Variants in OR2B6 observed in about 807,000 individuals in gnomAD.
OR2B6 encodes the protein olfactory receptor 2B6.
For synonymous variants in OR2B6, 130 were observed against 142.7 expected (o/e 0.91, Z 0.63); for missense variants, 350 against 368.9 (o/e 0.95, Z 0.42).
In OR2B6 at chr6:27,958,035, C is replaced by T. The variant is rs550737947; in HGVS notation, c.795C>T (p.Pro265=). The T allele has an allele frequency of 1.2e-6, 2 of 1,614,032 alleles. No individual in the cohort carries two copies. The highest frequency in any genetic ancestry group is 1.7e-5 in the Admixed American group (1 of 60,000). ...CTGTGTACCTGCAACCACCTTCGCC[C>T]AGCTCCAAGGACCAAGGAAAGATGG... The part of the protein sequence containing the change: ...AVSVYLQPPS[P]SSKDQGKMVS... The change falls in exon 1 of 1, where the codon CCC becomes CCT. Residue 265 remains proline (P), a synonymous_variant. Coordinates refer to ENST00000244623, the MANE Select transcript of OR2B6 (RefSeq NM_012367.1).
chr6:27,957,861 TC>T lies in OR2B6; in HGVS notation c.622del (p.Leu208Ter). 1 of 1,614,098 alleles carries T rather than the reference TC, an allele frequency of 6.2e-7. No individual in the cohort carries two copies. The highest frequency in any genetic ancestry group is 1.1e-5 in the South Asian group (1 of 91,084). ...ELFLVSELFH[L>X]IPLTLILISY... ...TATTCCTTGTCAGTGAGCTCTTCCA[TC>T]TAATACCCCTGACACTCATCCTTAT... is the stretch of plus-strand genomic sequence containing the variant. On this transcript the variant is annotated frameshift_variant, in exon 1 of 1. Coordinates refer to ENST00000244623, the MANE Select transcript of OR2B6 (RefSeq NM_012367.1). LOFTEE classifies it low-confidence loss of function (END_TRUNC).
rs150649355 is a variant in OR2B6 at position 27,958,138 on chromosome 6, G to A, written c.898G>A (p.Gly300Ser). The change falls in exon 1 of 1, where the codon GGC (glycine) becomes AGC (serine). Residue 300 changes from glycine to serine, a missense_variant. Transcript: ENST00000244623. ...YTLRNKEVKE[G>S]FKRLVARVFL... ...ACTTAGGAACAAGGAGGTAAAGGAA[G>A]GCTTTAAAAGGTTGGTTGCAAGAGT... 465 of 1,613,312 alleles carry A rather than the reference G, an allele frequency of 2.9e-4. 1 individual carries two copies. Among genetic ancestry groups the A allele is most frequent in the Middle Eastern group, 2.1e-3 (13 of 6,054 alleles).
rs750115578 is a variant in OR2B6 at position 27,957,524 on chromosome 6, G to A, written c.284G>A (p.Arg95His). ...LCSIRKVISY[R>H]GCVAQLFIFL... ...AGCATCAGGAAAGTAATCAGTTATC[G>A]TGGCTGTGTAGCCCAGCTTTTCATA... The change falls in exon 1 of 1, where the codon CGT becomes CAT. Residue 95 changes from arginine to histidine, a missense_variant. Arg to His is a conservative substitution (Grantham distance 29, BLOSUM62 0). Transcript: ENST00000244623. The A allele has an allele frequency of 2.4e-5, 38 of 1,613,920 alleles. No individual in the cohort carries two copies. The highest frequency in any genetic ancestry group is 9.9e-5 in the South Asian group (9 of 91,080).
At position 27,958,052 on chromosome 6, in the gene OR2B6, G is replaced by A. The variant is rs1762769859; in HGVS notation, c.812G>A (p.Gly271Glu). 2 of 1,614,004 alleles carry A rather than the reference G, an allele frequency of 1.2e-6. No individual in the cohort carries two copies. The highest frequency in any genetic ancestry group is 1.3e-5 in the African/African-American group (1 of 75,012). The change falls in exon 1 of 1, where the codon GGA (glycine) becomes GAA (glutamate). Residue 271 changes from glycine to glutamate, a missense_variant. Coordinates refer to ENST00000244623, the MANE Select transcript of OR2B6 (RefSeq NM_012367.1). ...CCTTCGCCCAGCTCCAAGGACCAAG[G>A]AAAGATGGTTTCTCTCTTCTATGGA... ...QPPSPSSKDQ[G>E]KMVSLFYGII... is the part of the protein sequence containing the mutation.
In OR2B6 at chr6:27,957,813, G is replaced by T. The variant is rs1762765139; in HGVS notation, c.573G>T (p.Glu191Asp). The change falls in exon 1 of 1, where the codon GAG becomes GAT. Residue 191 changes from glutamate (E) to aspartate (D), a missense_variant. Coordinates refer to ENST00000244623, the MANE Select transcript of OR2B6 (RefSeq NM_012367.1). Reference protein sequence around the residue: ...VPALLKLSCVETTANEAELFL... With the variant: ...VPALLKLSCVDTTANEAELFL... ...CACTGCTCAAGTTATCTTGTGTTGA[G>T]ACAACAGCAAATGAGGCTGAACTAT... is the stretch of plus-strand genomic sequence containing the variant. The T allele has an allele frequency of 6.2e-7, 1 of 1,613,960 alleles. No individual in the cohort carries two copies.
In OR2B6 at chr6:27,957,332, T is replaced by C; in HGVS notation, c.92T>C (p.Phe31Ser). ...PWLEFPLLVV[F>S]LISYTVTIFG... ...CTGGAGTTTCCACTCCTTGTGGTCT[T>C]CTTGATTTCTTACACTGTGACCATC... Residue 31 changes from phenylalanine (F) to serine (S), a missense_variant, in exon 1 of 1, where the codon TTC becomes TCC. Physicochemically the swap from Phe to Ser is radical, Grantham distance 155. Coordinates refer to ENST00000244623, the MANE Select transcript of OR2B6 (RefSeq NM_012367.1). 1 of 1,613,874 alleles carries C rather than the reference T, an allele frequency of 6.2e-7. No homozygotes were observed. Among genetic ancestry groups the C allele is most frequent in the Non-Finnish European group, 8.5e-7 (1 of 1,179,814 alleles).
chr6:27,957,579 TCTC>T lies in OR2B6; in HGVS notation c.342_344del (p.Leu115del), dbSNP rs750289936. The T allele has an allele frequency of 1.5e-5, 25 of 1,614,076 alleles. No individual in the cohort carries two copies. Among genetic ancestry groups the T allele is most frequent in the Non-Finnish European group, 2.1e-5 (25 of 1,179,994 alleles). On this transcript the variant is annotated inframe_deletion, in exon 1 of 1. Transcript: ENST00000244623. ...TGGCCTTGGGGGCTACTGAATATCT[TCTC>T]CTGGCCGTCATGTCCTTTGATAGGT... is the stretch of plus-strand genomic sequence containing the variant.
In OR2B6 at chr6:27,957,347, C is replaced by T. The variant is rs2113627713; in HGVS notation, c.107C>T (p.Thr36Ile). ...PLLVVFLISY[T>I]VTIFGNLTII... ...CTTGTGGTCTTCTTGATTTCTTACA[C>T]TGTGACCATCTTTGGCAATCTGACC... Residue 36 changes from threonine to isoleucine, a missense_variant, in exon 1 of 1, where the codon ACT (threonine) becomes ATT (isoleucine). Transcript: ENST00000244623. The T allele has an allele frequency of 6.2e-7, 1 of 1,613,824 alleles. No homozygotes were observed. Among genetic ancestry groups the T allele is most frequent in the Non-Finnish European group, 8.5e-7 (1 of 1,179,728 alleles).
In OR2B6 at chr6:27,957,624, G is replaced by A. The variant is rs1325954071; in HGVS notation, c.384G>A (p.Arg128=). 1.9e-6 allele frequency: 3 copies of A among 1,613,992 alleles called. No homozygotes were observed. Among genetic ancestry groups the A allele is most frequent in the Non-Finnish European group, 1.7e-6 (2 of 1,179,960 alleles). Residue 128 remains arginine (R), a synonymous_variant, in exon 1 of 1, where the codon CGG becomes CGA. Transcript: ENST00000244623. ...TTGATAGGTTTGTAGCTATTTGTCG[G>A]CCTCTCCATTACTCAGTTATCATGC... ...MSFDRFVAIC[R]PLHYSVIMHQ... is the part of the protein sequence containing the mutation.
rs373319927 is a variant in OR2B6, at chr6:27,958,073, A to C, written c.833A>C (p.Tyr278Ser). The C allele has an allele frequency of 1.2e-6, 2 of 1,613,960 alleles. No homozygotes were observed. The highest frequency in any genetic ancestry group is 1.7e-6 in the Non-Finnish European group (2 of 1,179,912). ...CAAGGAAAGATGGTTTCTCTCTTCTATGGAATCATTGCACCCATGCTGAAT... is the reference window on the plus strand; with the variant it reads ...CAAGGAAAGATGGTTTCTCTCTTCTCTGGAATCATTGCACCCATGCTGAAT... ...KDQGKMVSLF[Y>S]GIIAPMLNPL... Residue 278 changes from tyrosine to serine, a missense_variant, in exon 1 of 1, where the codon TAT becomes TCT. Transcript: ENST00000244623.
Position 27,957,713 on chromosome 6 carries a change from G to A in OR2B6, c.473G>A (p.Trp158Ter). The change falls in exon 1 of 1, where the codon TGG (tryptophan) becomes TAG (stop). Residue 158 changes from tryptophan to a stop codon, truncating the protein, a stop_gained. Coordinates refer to ENST00000244623, the MANE Select transcript of OR2B6 (RefSeq NM_012367.1). LOFTEE classifies it low-confidence loss of function (END_TRUNC). The part of the protein sequence containing the change: ...SWVTGFSNSV[W>*]LSTLTLQLPL... Reference sequence around the variant, plus strand: ...GTTACTGGTTTTAGTAACTCAGTGTGGTTGTCTACCCTGACTCTCCAGCTG... The same window carrying A: ...GTTACTGGTTTTAGTAACTCAGTGTAGTTGTCTACCCTGACTCTCCAGCTG... 1.2e-6 allele frequency: 2 copies of A among 1,613,896 alleles called. No individual in the cohort carries two copies. Among genetic ancestry groups the A allele is most frequent in the Non-Finnish European group, 1.7e-6 (2 of 1,179,882 alleles).
At position 27,957,982 on chromosome 6, in the gene OR2B6, G is replaced by A. The variant is rs775111323; in HGVS notation, c.742G>A (p.Val248Met). 8 of 1,613,516 alleles carry A rather than the reference G, an allele frequency of 5.0e-6. No homozygotes were observed. In the South Asian group the frequency reaches 7.7e-5, roughly 16 times the overall value. ...FGTCGSHLIV[V>M]SLFYSTAVSV... ...GACATGTGGTTCCCATCTAATTGTG[G>A]TGTCTCTTTTTTATAGTACAGCCGT... is the stretch of plus-strand genomic sequence containing the variant. Residue 248 changes from valine to methionine, a missense_variant, in exon 1 of 1, where the codon GTG (valine) becomes ATG (methionine). By Grantham distance (21) the Val-to-Met change is conservative. Transcript: ENST00000244623.
In OR2B6 at chr6:27,957,657, A is replaced by G. The variant is rs2113628005; in HGVS notation, c.417A>G (p.Arg139=). 6.2e-7 allele frequency: 1 copy of G among 1,613,642 alleles called. No homozygotes were observed. Among genetic ancestry groups the G allele is most frequent in the South Asian group, 1.1e-5 (1 of 91,054 alleles). ...PLHYSVIMHQ[R]LCLQLAAASW... ...ATTACTCAGTTATCATGCACCAGAGACTCTGCCTCCAGTTGGCAGCTGCAT... is the reference window on the plus strand; with the variant it reads ...ATTACTCAGTTATCATGCACCAGAGGCTCTGCCTCCAGTTGGCAGCTGCAT... The change falls in exon 1 of 1, where the codon AGA becomes AGG. Residue 139 remains arginine, a synonymous_variant. Transcript: ENST00000244623.
Position 27,957,382 on chromosome 6 carries a change from G to C in OR2B6, c.142G>C (p.Val48Leu). The C allele has an allele frequency of 6.2e-7, 1 of 1,614,008 alleles. No homozygotes were observed. The highest frequency in any genetic ancestry group is 2.2e-5 in the East Asian group (1 of 44,880). Reference sequence around the variant, plus strand: ...CTTTGGCAATCTGACCATTATTCTAGTGTCACGCCTGGACACCAAACTTCA... The same window carrying C: ...CTTTGGCAATCTGACCATTATTCTACTGTCACGCCTGGACACCAAACTTCA... ...TIFGNLTIIL[V>L]SRLDTKLHTP... The change falls in exon 1 of 1, where the codon GTG (valine) becomes CTG (leucine). Residue 48 changes from valine (V) to leucine (L), a missense_variant. Val to Leu is a conservative substitution (Grantham distance 32, BLOSUM62 1). Coordinates refer to ENST00000244623, the MANE Select transcript of OR2B6 (RefSeq NM_012367.1).
rs1762763538 is a variant in OR2B6 at position 27,957,727 on chromosome 6, A to C, written c.487A>C (p.Thr163Pro). Reference sequence around the variant, plus strand: ...TAACTCAGTGTGGTTGTCTACCCTGACTCTCCAGCTGCCACTCTGTGACCC... The same window carrying C: ...TAACTCAGTGTGGTTGTCTACCCTGCCTCTCCAGCTGCCACTCTGTGACCC... ...FSNSVWLSTL[T>P]LQLPLCDPYV... Residue 163 changes from threonine (T) to proline (P), a missense_variant, in exon 1 of 1, where the codon ACT becomes CCT. Coordinates refer to ENST00000244623, the MANE Select transcript of OR2B6 (RefSeq NM_012367.1). 1 of 1,613,292 alleles carries C rather than the reference A, an allele frequency of 6.2e-7. No individual in the cohort carries two copies. The highest frequency in any genetic ancestry group is 1.3e-5 in the African/African-American group (1 of 74,668).
Position 27,957,463 on chromosome 6 carries a change from A to C in OR2B6, c.223A>C (p.Thr75Pro). Reference sequence around the variant, plus strand: ...ATCACTCCTGGATCTTTGTTACACCACATGTACAGTCCCACAAATGCTAGT... The same window carrying C: ...ATCACTCCTGGATCTTTGTTACACCCCATGTACAGTCCCACAAATGCTAGT... ...NLSLLDLCYT[T>P]CTVPQMLVNL... is the part of the protein sequence containing the mutation. Residue 75 changes from threonine to proline, a missense_variant, in exon 1 of 1, where the codon ACA (threonine) becomes CCA (proline). Thr to Pro is a conservative substitution (Grantham distance 38). Coordinates refer to ENST00000244623, the MANE Select transcript of OR2B6 (RefSeq NM_012367.1). 1 of 1,614,066 alleles carries C rather than the reference A, an allele frequency of 6.2e-7. No homozygotes were observed. Among genetic ancestry groups the C allele is most frequent in the Non-Finnish European group, 8.5e-7 (1 of 1,179,954 alleles).
In OR2B6 at chr6:27,957,568, A is replaced by G; in HGVS notation, c.328A>G (p.Thr110Ala). ...TTTCATATTTCTGGCCTTGGGGGCT[A>G]CTGAATATCTTCTCCTGGCCGTCAT... ...QLFIFLALGA[T>A]EYLLLAVMSF... The change falls in exon 1 of 1, where the codon ACT becomes GCT. Residue 110 changes from threonine (T) to alanine (A), a missense_variant. Coordinates refer to ENST00000244623, the MANE Select transcript of OR2B6 (RefSeq NM_012367.1). The G allele has an allele frequency of 1.2e-6, 2 of 1,614,062 alleles. No individual in the cohort carries two copies. The highest frequency in any genetic ancestry group is 1.7e-6 in the Non-Finnish European group (2 of 1,179,996).
rs199723028 is a variant in OR2B6, at chr6:27,957,823, A to G, written c.583A>G (p.Asn195Asp). 3 of 1,614,122 alleles carry G rather than the reference A, an allele frequency of 1.9e-6. No individual in the cohort carries two copies. In the African/African-American group the frequency reaches 4.0e-5, roughly 22 times the overall value. The change falls in exon 1 of 1, where the codon AAT becomes GAT. Residue 195 changes from asparagine to aspartate, a missense_variant. Asn to Asp is a conservative substitution (Grantham distance 23). Transcript: ENST00000244623. ...LKLSCVETTA[N>D]EAELFLVSEL... ...GTTATCTTGTGTTGAGACAACAGCA[A>G]ATGAGGCTGAACTATTCCTTGTCAG...
In OR2B6 at chr6:27,957,918, G is replaced by C. The variant is rs1434568515; in HGVS notation, c.678G>C (p.Leu226Phe). The change falls in exon 1 of 1, where the codon TTG (leucine) becomes TTC (phenylalanine). Residue 226 changes from leucine to phenylalanine, a missense_variant. Coordinates refer to ENST00000244623, the MANE Select transcript of OR2B6 (RefSeq NM_012367.1). Reference protein sequence around the residue: ...ISYAFIVRAVLRIQSAEGRQK... With the variant: ...ISYAFIVRAVFRIQSAEGRQK... ...ATGCTTTTATTGTCCGAGCAGTATT[G>C]AGGATACAGTCTGCTGAAGGTCGAC... 2 of 1,613,922 alleles carry C rather than the reference G, an allele frequency of 1.2e-6. No homozygotes were observed. The highest frequency in any genetic ancestry group is 1.7e-6 in the Non-Finnish European group (2 of 1,179,982).
Sources: allele counts gnomAD v4.1 joint callset, GRCh38; gene constraint gnomAD v4.1.1; transcripts MANE v1.5; gene names NCBI Gene and HGNC (gene_info 2026-07-23, HGNC 2026-07-21).